BBS2: variants seen among roughly 807,000 people sequenced by gnomAD.
BBS2 encodes the protein Bardet-Biedl syndrome 2.
In BBS2, 62 loss-of-function variants were observed where a neutral mutation model predicts 83.0. The ratio of observed to expected loss-of-function variants is 0.75; its 90% CI spans 0.61 to 0.92. BBS2 has a LOEUF of 0.92. Ranked by LOEUF, BBS2 falls within the 40% of genes least tolerant of loss-of-function variation. The pLI, the probability that BBS2 is intolerant of heterozygous loss-of-function variation, is 0.00. For missense variants in BBS2, 784 were observed against 901.0 expected, an observed-to-expected ratio of 0.87 and a Z score of 1.66; for synonymous variants, 303 against 326.1, an observed-to-expected ratio of 0.93 and a Z score of 0.76.
chr16:56,475,593 AT>A, intron 17 of BBS2: 1 of 1,596,670 alleles, frequency 6.3e-7, no homozygotes, highest in Non-Finnish European at 8.6e-7. Flanking sequence ...GCAAACTATC[AT>A]TTTTAGTTAT....
intron 5 of BBS2, among the ~76,000 whole-genome samples, chr16:56,507,670 A>T (rs551580962): frequency 6.6e-6 from 1 of 152,102 alleles, no homozygotes; most frequent in South Asian, 2.1e-4. Context: ...GCACATACAC[A>T]CAAAACAGAC....
chr16:56,478,491 C>T (rs1963574791), intron 17 of BBS2: 1 of 152,206 alleles, frequency 6.6e-6, no homozygotes, highest in African/African-American at 2.4e-5. Flanking sequence ...TAAAGGTCAT[C>T]TCACTCACTT....
chr16:56,487,852 T>C (rs1332484163), intron 15 of BBS2, among the ~76,000 whole-genome samples: 2 of 152,086 alleles, frequency 1.3e-5, no homozygotes, highest in African/African-American at 4.8e-5. Context: ...ACACCAGATA[T>C]TGAAACATAC....
chr16:56,501,616 T>C (rs1444082308), intron 9 of BBS2, 119 bp from the exon 10 acceptor site: 2 of 1,318,556 alleles, frequency 1.5e-6, no homozygotes, highest in East Asian at 2.5e-5. Context: ...ATTATTATTA[T>C]AGTAATCTGA....
At chr16:56,497,983 T>C (rs1964160764) in intron 13 of BBS2, 103 bp from the exon 14 acceptor site, 4 of 826,690 alleles carry the variant, frequency 4.8e-6, no homozygotes, top group Non-Finnish European at 7.3e-6. Context: ...TTATTGTGCA[T>C]ATATATATAT....
downstream of BBS2, among the ~76,000 whole-genome samples, chr16:56,484,004 A>G (rs1345278687): frequency 3.9e-5 from 4 of 102,176 alleles, no homozygotes; most frequent in Non-Finnish European, 5.6e-5. Flanking sequence ...CTCAGCCCAA[A>G]TATTTTTTTT....
intron 9 of BBS2, 196 bp from the exon 10 acceptor site, chr16:56,501,693 A>G (rs1964280273): frequency 1.4e-6 from 1 of 698,494 alleles, no homozygotes; most frequent in Non-Finnish European, 2.4e-6. Flanking sequence ...GTGGGAAAAT[A>G]CCCTTGCATC....
At chr16:56,470,557 G>A (rs1438002359) in exon 18 of BBS2, 1 of 1,614,042 alleles carries the variant, frequency 6.2e-7, no homozygotes, top group African/African-American at 1.3e-5. Flanking sequence ...ATTTCGCTCT[G>A]AGGCACTATT....
At chr16:56,480,377 A>C (rs541799543), downstream of BBS2, among the ~76,000 whole-genome samples, 1 of 146,304 alleles carries the variant, frequency 6.8e-6, no homozygotes, top group East Asian at 2.0e-4. Context: ...AAAAAAAAAA[A>C]CAAAGCTTGG....
chr16:56,485,877 T>C (rs1399214240), intron 15 of BBS2, 139 bp from the exon 16 acceptor site: 2 of 761,726 alleles, frequency 2.6e-6, no homozygotes, highest in African/African-American at 3.5e-5. Context: ...AACTGCTAGT[T>C]TGCTTTGAAA....
chr16:56,506,305 ACT>A (rs1411122345), intron 5 of BBS2, 81 bp from the exon 6 acceptor site: 2 of 1,003,668 alleles, frequency 2.0e-6, no homozygotes, highest in Non-Finnish European at 3.1e-6. Context: ...AAGACTTCAC[ACT>A]CCTTGTTACA....
chr16:56,510,382 G>A (rs934843439), intron 4 of BBS2, among the ~76,000 whole-genome samples: 3 of 152,172 alleles, frequency 2.0e-5, no homozygotes, highest in Non-Finnish European at 4.4e-5. Flanking sequence ...CCATGGACAA[G>A]AGAGGGGCAA....
At chr16:56,497,605 A>C (rs745355633) in intron 14 of BBS2, 138 bp downstream of exon 14, 8 of 1,100,704 alleles carry the variant, frequency 7.3e-6, no homozygotes, top group African/African-American at 1.6e-5. Context: ...CTCCAATACT[A>C]GTTCAATTTT....
intron 15 of BBS2, among the ~76,000 whole-genome samples, chr16:56,491,282 C>G (rs192182452): frequency 1.3e-5 from 2 of 152,092 alleles, no homozygotes; most frequent in African/African-American, 4.8e-5. Flanking sequence ...GGGGCAGATC[C>G]CTCATGAATA....
At position 56,519,787 on chromosome 16, in the gene BBS2, C is replaced by T; in HGVS notation, c.76G>A (p.Gly26Arg). Residue 26 changes from glycine to arginine, a missense_variant, in exon 1 of 17, where the codon GGG (glycine) becomes AGG (arginine). Gly to Arg is a moderately radical substitution (Grantham distance 125, BLOSUM62 -2). Transcript: ENST00000245157. ...GCGGCCGCCAGGCACGGGTGAGTCC[C>T]GTCGTAGCGCCCTATGGCCACCATT... ...PRMVAIGRYD[G>R]THPCLAAATQ... The T allele has an allele frequency of 6.2e-7, 1 of 1,613,732 alleles. No individual in the cohort carries two copies. The highest frequency in any genetic ancestry group is 8.5e-7 in the Non-Finnish European group (1 of 1,179,798).
chr16:56,492,805 T>C (rs1399517673), intron 15 of BBS2, among the ~76,000 whole-genome samples: 1 of 152,248 alleles, frequency 6.6e-6, no homozygotes, highest in Non-Finnish European at 1.5e-5. Flanking sequence ...GTAACACCTA[T>C]GGAGAATTTG....
rs558178737 is a variant in BBS2, at chr16:56,488,091, T to C, written c.1911-2353A>G. Among the ~76,000 whole-genome samples the C allele has an allele frequency of 9.8e-5, 15 of 152,334 alleles. No individual in the cohort carries two copies. In the East Asian group the frequency reaches 2.9e-3, roughly 29 times the overall value. On this transcript the variant is annotated intron_variant, in intron 15 of 16. Coordinates refer to ENST00000245157, the MANE Select transcript of BBS2 (RefSeq NM_031885.5). ...AGTTAAGATGGTAAATTTCACATTGTGTAGTTCACCATGAGTGGGGAAAAA... is the reference window on the plus strand; with the variant it reads ...AGTTAAGATGGTAAATTTCACATTGCGTAGTTCACCATGAGTGGGGAAAAA...
intron 11 of BBS2, chr16:56,500,161 A>G (rs1160918930): frequency 9.2e-6 from 4 of 436,510 alleles, no homozygotes; most frequent in Non-Finnish European, 1.7e-5. Context: ...GGATGTAAAA[A>G]GTATCTTATC....
At chr16:56,494,340 G>GA in intron 15 of BBS2, among the ~76,000 whole-genome samples, 1 of 151,464 alleles carries the variant, frequency 6.6e-6, no homozygotes, top group Non-Finnish European at 1.5e-5. Flanking sequence ...TCATAAATCT[G>GA]AATGGTAAAT....
Sources: allele counts gnomAD v4.1 joint callset (sites outside exome capture counted in the v4.1 genomes callset), GRCh38; gene constraint gnomAD v4.1.1; transcripts MANE v1.5; gene names NCBI Gene and HGNC (gene_info 2026-07-23, HGNC 2026-07-21).